Variants in CPAMD8 observed in about 807,000 individuals in gnomAD.
The protein encoded by CPAMD8 is C3 and PZP like alpha-2-macroglobulin domain containing 8.
In CPAMD8, 146 loss-of-function variants were observed where a neutral mutation model predicts 224.7. The observed-to-expected ratio is 0.65, with a 90% CI of 0.57 to 0.75. The LOEUF is 0.75. Ranked by LOEUF, CPAMD8 falls within the 30% of genes least tolerant of loss-of-function variation. CPAMD8 has a pLI of 0.00. For synonymous variants in CPAMD8, 966 were observed against 1,044.6 expected (o/e 0.92, Z 1.45); for missense variants, 2,301 against 2,537.5 (o/e 0.91, Z 2.00).
At chr19:17,000,266 C>A in intron 10 of CPAMD8, 148 bp downstream of exon 10, 1 of 553,886 alleles carries the variant, frequency 1.8e-6, no homozygotes, top group East Asian at 2.9e-5. Context: ...CAAGCCTGGG[C>A]AACATAGTGA....
At chr19:16,945,208 G>A (rs2054030243) in intron 22 of CPAMD8, among the ~76,000 whole-genome samples, 1 of 152,154 alleles carries the variant, frequency 6.6e-6, no homozygotes. Flanking sequence ...TGCCCCAAAT[G>A]CTGAGTCATG....
intron 22 of CPAMD8, among the ~76,000 whole-genome samples, chr19:16,942,604 C>G (rs984281615): frequency 6.6e-6 from 1 of 152,204 alleles, no homozygotes; most frequent in African/African-American, 2.4e-5. Context: ...GGGCACAAAT[C>G]CAGGGGCCCC....
intron 2 of CPAMD8, among the ~76,000 whole-genome samples, chr19:17,021,743 T>C (rs962849011): frequency 3.9e-5 from 6 of 152,164 alleles, no homozygotes; most frequent in Non-Finnish European, 7.4e-5. Flanking sequence ...CCACCTCTGG[T>C]CAAAGCTGAC....
rs1447360543 is a variant in CPAMD8 at position 17,020,366 on chromosome 19, A to G, written c.245-13T>C. 1 of 1,574,926 alleles carries G rather than the reference A, an allele frequency of 6.3e-7. No individual in the cohort carries two copies. On this transcript the variant is annotated splice_polypyrimidine_tract_variant and intron_variant, in intron 2 of 41. Coordinates refer to ENST00000443236, the MANE Select transcript of CPAMD8 (RefSeq NM_015692.5). Reference sequence around the variant, plus strand: ...ATTGTCCCTTTATCTAAAAATGAAAATAAAATGAAAAAAGTTAAATCAAGA... The same window carrying G: ...ATTGTCCCTTTATCTAAAAATGAAAGTAAAATGAAAAAAGTTAAATCAAGA...
At chr19:17,006,228 C>G (rs112111310) in intron 7 of CPAMD8, among the ~76,000 whole-genome samples, 3,926 of 152,260 alleles carry the variant, frequency 0.026, 73 homozygotes, top group South Asian at 0.064. Context: ...TCCCAAAGTG[C>G]TGGCATTACA....
At chr19:16,967,549 G>C (rs1472673215) in intron 18 of CPAMD8, among the ~76,000 whole-genome samples, 1 of 152,056 alleles carries the variant, frequency 6.6e-6, no homozygotes, top group Non-Finnish European at 1.5e-5. Context: ...GCTCATGCCT[G>C]TAATCCCAGC....
At chr19:17,020,164 C>T (rs193277530) in intron 3 of CPAMD8, among the ~76,000 whole-genome samples, 167 bp downstream of exon 3, 21 of 150,538 alleles carry the variant, frequency 1.4e-4, no homozygotes, top group Admixed American at 6.6e-4. Flanking sequence ...AGTAGAGATG[C>T]GGTTTCACCA....
In CPAMD8 at chr19:16,899,225, T is replaced by C. The variant is rs998915273; in HGVS notation, c.4848+250A>G. Among the ~76,000 whole-genome samples, 5 of 152,126 alleles carry C rather than the reference T, an allele frequency of 3.3e-5. No individual in the cohort carries two copies. Among genetic ancestry groups the C allele is most frequent in the African/African-American group, 1.2e-4 (5 of 41,426 alleles). On this transcript the variant is annotated intron_variant, in intron 37 of 41. Coordinates refer to ENST00000443236, the MANE Select transcript of CPAMD8 (RefSeq NM_015692.5). The surrounding 1 kb of genome is among the most constrained non-coding windows in gnomAD (Gnocchi z 5.4). ...CGTAAGCCAAAGGGCCTGGGCACTT[T>C]TTTATATTTTTTGTAAAGATGGGGT... is the stretch of plus-strand genomic sequence containing the variant.
At chr19:16,945,478 A>G in intron 22 of CPAMD8, 71 bp downstream of exon 22, 1 of 1,571,808 alleles carries the variant, frequency 6.4e-7, no homozygotes, top group Non-Finnish European at 8.7e-7. Flanking sequence ...CACACACTCC[A>G]GCTGGGCCCA....
intron 39 of CPAMD8, 135 bp downstream of exon 39, chr19:16,897,556 C>T: frequency 1.0e-5 from 6 of 590,968 alleles, no homozygotes; most frequent in Non-Finnish European, 1.5e-5. Flanking sequence ...CCGCCCACCT[C>T]TATGCTGCGT....
At chr19:17,000,228 A>C in intron 10 of CPAMD8, 186 bp downstream of exon 10, 1 of 477,128 alleles carries the variant, frequency 2.1e-6, no homozygotes, top group Non-Finnish European at 3.7e-6. Flanking sequence ...CAAAGGCGAG[A>C]GGATCGCTTG....
chr19:16,987,555 G>A (rs2055790192), intron 13 of CPAMD8, among the ~76,000 whole-genome samples: 1 of 151,896 alleles, frequency 6.6e-6, no homozygotes, highest in Admixed American at 6.6e-5. Context: ...TTTCCTTCCT[G>A]TAGCTTACAT....
chr19:16,973,882 T>C (rs536833111), intron 17 of CPAMD8, among the ~76,000 whole-genome samples: 29 of 130,898 alleles, frequency 2.2e-4, no homozygotes, highest in African/African-American at 8.8e-4. Context: ...CAGGCTGGAG[T>C]GAAGTGATGT....
chr19:16,907,115 C>T lies in CPAMD8; in HGVS notation c.3864G>A (p.Glu1288=), dbSNP rs768141673. The part of the protein sequence containing the change: ...ALLETGTASE[E]ERGSTDKARH... Reference sequence around the variant, plus strand: ...TCGCTTTGTCAGTGGAGCCTCTCTCCTCCTGCAGGGTGGGGTGGGAAGGTG... The same window carrying T: ...TCGCTTTGTCAGTGGAGCCTCTCTCTTCCTGCAGGGTGGGGTGGGAAGGTG... Residue 1288 remains glutamate, a splice_region_variant and synonymous_variant, in exon 30 of 42, where the codon GAG becomes GAA. Transcript: ENST00000443236. 1 of 1,552,634 alleles carries T rather than the reference C, an allele frequency of 6.4e-7. No individual in the cohort carries two copies. Among genetic ancestry groups the T allele is most frequent in the African/African-American group, 1.4e-5 (1 of 73,664 alleles).
intron 3 of CPAMD8, among the ~76,000 whole-genome samples, chr19:17,016,738 C>T (rs1263818293): frequency 4.6e-5 from 7 of 151,598 alleles, no homozygotes; most frequent in South Asian, 2.1e-4. Flanking sequence ...CCACCCTGGG[C>T]GACAGAGCAA....
At position 16,899,898 on chromosome 19, in the gene CPAMD8, A is replaced by ATTTT. The variant is rs71180341; in HGVS notation, c.4774-353_4774-350dup. Among the ~76,000 whole-genome samples, 76 of 140,186 alleles carry ATTTT rather than the reference A, an allele frequency of 5.4e-4. No homozygotes were observed. The highest frequency in any genetic ancestry group is 1.8e-3 in the African/African-American group (68 of 37,590). The allele number at this position is 140,186 out of a possible 152,430, so 92.0% of individuals were successfully genotyped here. On this transcript the variant is annotated intron_variant, in intron 36 of 41. Coordinates refer to ENST00000443236, the MANE Select transcript of CPAMD8 (RefSeq NM_015692.5). The surrounding 1 kb of genome is among the most constrained non-coding windows in gnomAD (Gnocchi z 5.4). ...GTTCAAGTTCCCCTCCCAGCCTGGG[A>ATTTT]TTTTTTTTTTTTTTTCAGTTTTTGA... is the stretch of plus-strand genomic sequence containing the variant.
intron 1 of CPAMD8, among the ~76,000 whole-genome samples, chr19:17,023,531 A>G (rs2057009683): frequency 6.6e-6 from 1 of 152,128 alleles, no homozygotes; most frequent in Non-Finnish European, 1.5e-5. Context: ...ATGCAATGAG[A>G]TTAGGAGACA....
chr19:16,973,643 C>T (rs1418404957), intron 17 of CPAMD8, among the ~76,000 whole-genome samples: 1 of 151,744 alleles, frequency 6.6e-6, no homozygotes, highest in Non-Finnish European at 1.5e-5. Flanking sequence ...GACACCACAC[C>T]TGGCCAGAAA....
At chr19:16,994,322 C>G (rs1006212566) in intron 11 of CPAMD8, among the ~76,000 whole-genome samples, 12 of 152,220 alleles carry the variant, frequency 7.9e-5, no homozygotes, top group Middle Eastern at 3.4e-3. Flanking sequence ...AGGGTATGGA[C>G]AGTTCAGTGT....
Sources: allele counts gnomAD v4.1 joint callset (sites outside exome capture counted in the v4.1 genomes callset), GRCh38; gene constraint gnomAD v4.1.1; non-coding constraint Gnocchi (gnomAD v3.1); transcripts MANE v1.5; gene names NCBI Gene and HGNC (gene_info 2026-07-23, HGNC 2026-07-21).